Variants in BANK1 observed in about 807,000 individuals in gnomAD.
The protein encoded by BANK1 is B-cell scaffold protein with ankyrin repeats.
A neutral mutation model predicts 94.5 loss-of-function variants in BANK1; 95 were observed. That is an observed-to-expected ratio of 1.00 (90% CI 0.85 to 1.19). The LOEUF (loss-of-function observed/expected upper bound fraction) is 1.19, where lower values mean the gene tolerates loss of function less well. Ranked by LOEUF, BANK1 falls within the 50% of genes most tolerant of loss-of-function variation. BANK1 has a pLI of 0.00. For synonymous variants in BANK1, 334 were observed against 308.4 expected (o/e 1.08, Z -0.87); for missense variants, 987 against 932.2 (o/e 1.06, Z -0.77).
rs370150812 is a variant in BANK1, at chr4:101,840,126, G to A, written c.469+9920G>A. Among the ~76,000 whole-genome samples, 1,172 of 147,550 alleles carry A rather than the reference G, an allele frequency of 7.9e-3. 16 individuals are homozygous for A. The highest frequency in any genetic ancestry group is 0.053 in the South Asian group (248 of 4,668). On this transcript the variant is annotated intron_variant, in intron 2 of 16. Transcript: ENST00000322953. ...TGGGACTACAGGCGCCCGCCACTAC[G>A]CCCGGCTAATTTTTTGTATTTTTAG...
chr4:101,889,353 G>C (rs1721760864), intron 5 of BANK1, among the ~76,000 whole-genome samples: 1 of 151,876 alleles, frequency 6.6e-6, no homozygotes, highest in African/African-American at 2.4e-5. Flanking sequence ...TCTTTTAAAA[G>C]AATCACAGGC....
rs543324418 is a variant in BANK1 at position 101,932,452 on chromosome 4, G to C, written c.1206+14263G>C. Among the ~76,000 whole-genome samples, 136 of 151,536 alleles carry C rather than the reference G, an allele frequency of 9.0e-4. 1 individual carries two copies. Among genetic ancestry groups the C allele is most frequent in the African/African-American group, 3.1e-3 (129 of 41,438 alleles). ...CTTTAAATTTCACCTTAGTTGTCCT[G>C]TTGTAAGTTTGTTTTCTTAAATATT... On this transcript the variant is annotated intron_variant, in intron 7 of 16. Coordinates refer to ENST00000322953, the MANE Select transcript of BANK1 (RefSeq NM_017935.5).
At chr4:101,986,797 A>ATGTGTATATATATGTATATATG (rs1725495640) in intron 7 of BANK1, among the ~76,000 whole-genome samples, 10 of 97,148 alleles carry the variant, frequency 1.0e-4, no homozygotes, top group Non-Finnish European at 1.8e-4. Flanking sequence ...GTGTATATAT[A>ATGTGTATATATATGTATATATG]TGTGTATATA....
chr4:101,934,864 C>T (rs1723476447), intron 7 of BANK1, among the ~76,000 whole-genome samples: 1 of 151,526 alleles, frequency 6.6e-6, no homozygotes, highest in African/African-American at 2.4e-5. Flanking sequence ...TCATTGCACA[C>T]TTATTTTATG....
Position 101,836,488 on chromosome 4 carries a change from C to T in BANK1, c.469+6282C>T, listed in dbSNP as rs76459802. Among the ~76,000 whole-genome samples the T allele has an allele frequency of 5.2e-3, 795 of 152,176 alleles. 15 individuals are homozygous for T. The East Asian group carries it at 0.06, about 12-fold the overall frequency. ...GAGCGAGACTCTGTCTCAAACAAAACAAACAGAAACAAAAACAAAAAAATT... is the reference window on the plus strand; with the variant it reads ...GAGCGAGACTCTGTCTCAAACAAAATAAACAGAAACAAAAACAAAAAAATT... On this transcript the variant is annotated intron_variant, in intron 2 of 16. Coordinates refer to ENST00000322953, the MANE Select transcript of BANK1 (RefSeq NM_017935.5).
chr4:101,981,212 G>C (rs559072811), intron 7 of BANK1, among the ~76,000 whole-genome samples: 2 of 152,194 alleles, frequency 1.3e-5, no homozygotes, highest in African/African-American at 4.8e-5. Flanking sequence ...GACTGAAATA[G>C]ATGTGTTTAT....
intron 4 of BANK1, among the ~76,000 whole-genome samples, chr4:101,865,393 T>C (rs1728030317): frequency 6.6e-6 from 1 of 152,096 alleles, no homozygotes; most frequent in South Asian, 2.1e-4. Context: ...CACACTTTTG[T>C]AGGATTTACC....
intron 1 of BANK1, among the ~76,000 whole-genome samples, chr4:101,817,402 A>G (rs1333753904): frequency 1.3e-5 from 2 of 152,206 alleles, no homozygotes; most frequent in Admixed American, 6.5e-5. Flanking sequence ...GCTGAAGGCC[A>G]TCATCCTTAG....
intron 2 of BANK1, among the ~76,000 whole-genome samples, chr4:101,849,681 A>G (rs931146376): frequency 9.9e-5 from 15 of 152,156 alleles, no homozygotes; most frequent in African/African-American, 3.6e-4. Context: ...TATATATATG[A>G]TTATGTCTAT....
chr4:101,834,597 A>G lies in BANK1; in HGVS notation c.469+4391A>G, dbSNP rs1726755202. Among the ~76,000 whole-genome samples, 8 of 152,334 alleles carry G rather than the reference A, an allele frequency of 5.3e-5. No homozygotes were observed. In the South Asian group the frequency reaches 1.7e-3, roughly 32 times the overall value. On this transcript the variant is annotated intron_variant, in intron 2 of 16. Transcript: ENST00000322953. The stretch of plus-strand genomic sequence containing the variant: ...AAATTATTTTATGTTTATGTTGCCA[A>G]TCATGTTGAAGACATAAAGTCTTGT...
intron 7 of BANK1, among the ~76,000 whole-genome samples, chr4:102,000,049 G>A (rs1405316335): frequency 6.6e-6 from 1 of 152,136 alleles, no homozygotes; most frequent in African/African-American, 2.4e-5. Context: ...CCCGGGTGCA[G>A]TGGCTCATGC....
intron 7 of BANK1, among the ~76,000 whole-genome samples, chr4:101,978,683 T>G (rs1725221815): frequency 6.6e-6 from 1 of 152,078 alleles, no homozygotes; most frequent in African/African-American, 2.4e-5. Context: ...TCATAGTTTC[T>G]TTCCATTGAA....
intron 11 of BANK1, among the ~76,000 whole-genome samples, chr4:102,059,814 A>G (rs976532994): frequency 6.6e-5 from 10 of 152,100 alleles, no homozygotes; most frequent in Non-Finnish European, 1.3e-4. Flanking sequence ...TATTCTAAAG[A>G]TATTTATTGT....
At chr4:101,950,066 T>TGTGC (rs1560648642) in intron 7 of BANK1, among the ~76,000 whole-genome samples, 11 of 121,896 alleles carry the variant, frequency 9.0e-5, no homozygotes, top group African/African-American at 4.1e-4. Flanking sequence ...TGTGTGCGCG[T>TGTGC]GCGCGCGCAT....
intron 7 of BANK1, among the ~76,000 whole-genome samples, chr4:101,935,248 A>G (rs1410940624): frequency 6.6e-6 from 1 of 151,588 alleles, no homozygotes; most frequent in Non-Finnish European, 1.5e-5. Flanking sequence ...CTGCAATTCT[A>G]AAAGCAAAGC....
At chr4:101,862,868 T>C (rs190476577) in intron 4 of BANK1, among the ~76,000 whole-genome samples, 75 of 152,180 alleles carry the variant, frequency 4.9e-4, no homozygotes, top group Non-Finnish European at 2.9e-4. Context: ...AATTAGTTTG[T>C]ATACTGTGTA....
chr4:101,960,053 T>C (rs943194400), intron 7 of BANK1, among the ~76,000 whole-genome samples: 1 of 152,120 alleles, frequency 6.6e-6, no homozygotes, highest in Non-Finnish European at 1.5e-5. Context: ...GAAGAAAACA[T>C]GAAGTCCAGA....
intron 2 of BANK1, among the ~76,000 whole-genome samples, chr4:101,833,206 C>G (rs1726693641): frequency 6.6e-6 from 1 of 152,072 alleles, no homozygotes; most frequent in African/African-American, 2.4e-5. Context: ...CTTGAACTCC[C>G]GACCTCAGGT....
chr4:101,792,936 T>C (rs766154488), intron 1 of BANK1, among the ~76,000 whole-genome samples: 1 of 152,210 alleles, frequency 6.6e-6, no homozygotes, highest in Non-Finnish European at 1.5e-5. Context: ...AACTATATAT[T>C]ACTATCAATG....
Sources: gnomAD v4.1 joint callset for allele counts (sites outside exome capture counted in the v4.1 genomes callset) on GRCh38, gnomAD v4.1.1 for gene constraint, MANE v1.5 for transcripts, NCBI Gene and HGNC (gene_info 2026-07-23, HGNC 2026-07-21) for gene names.